The following RCSD1 variants were observed in gnomAD, a reference collection of about 807,000 sequenced individuals.
RCSD1 encodes the protein RCSD domain containing 1, also known as capZ-interacting protein.
In RCSD1, 26 loss-of-function variants were observed where a neutral mutation model predicts 42.5. That is an observed-to-expected ratio of 0.61 (90% confidence interval 0.45 to 0.85). RCSD1 has a LOEUF of 0.85. Among genes scored for constraint, RCSD1 ranks in the 40% least tolerant of loss-of-function variants. The pLI is 0.00. For synonymous variants in RCSD1, 220 were observed against 212.2 expected (o/e 1.04, Z -0.32); for missense variants, 571 against 528.3 (o/e 1.08, Z -0.79).
At chr1:167,673,200 G>C (rs73033839) in intron 1 of RCSD1, among the ~76,000 whole-genome samples, 8,972 of 152,312 alleles carry the variant, frequency 0.059, 448 homozygotes, top group African/African-American at 0.13. Flanking sequence ...GAACAAAGAA[G>C]AGAGGAGGAG....
At chr1:167,650,237 C>T (rs547359736) in intron 1 of RCSD1, among the ~76,000 whole-genome samples, 15 of 152,334 alleles carry the variant, frequency 9.8e-5, no homozygotes, top group South Asian at 6.2e-4. Context: ...TTGGAAAACA[C>T]GGGGAAATGT....
intron 1 of RCSD1, chr1:167,640,483 C>T (rs550787541): frequency 5.9e-5 from 9 of 152,336 alleles, no homozygotes; most frequent in African/African-American, 2.2e-4. Flanking sequence ...TGGTAACTAC[C>T]TCTGCTAAGA....
rs1659763830 is a variant in RCSD1 at position 167,706,687 on chromosome 1, T to C, written c.*1991T>C. Among the ~76,000 whole-genome samples, 1 of 152,100 alleles carries C rather than the reference T, an allele frequency of 6.6e-6. No homozygotes were observed. The highest frequency in any genetic ancestry group is 6.5e-5 in the Admixed American group (1 of 15,268). On this transcript the variant is annotated 3_prime_UTR_variant, in exon 7 of 7. Transcript: ENST00000367854. The stretch of plus-strand genomic sequence containing the variant: ...TGTTAGTCACATTATTTGGTGTATT[T>C]TGTGAAAAAAATAGAGGCCCCATTC...
At chr1:167,703,155 A>G (rs927051005) in intron 6 of RCSD1, among the ~76,000 whole-genome samples, 1 of 152,172 alleles carries the variant, frequency 6.6e-6, no homozygotes, top group African/African-American at 2.4e-5. Context: ...TGGCAGGTCA[A>G]CAGACTCAGT....
intron 1 of RCSD1, among the ~76,000 whole-genome samples, chr1:167,659,261 A>G (rs1306307928): frequency 6.6e-6 from 1 of 152,198 alleles, no homozygotes; most frequent in Admixed American, 6.5e-5. Context: ...TCCTGTCATT[A>G]TGCGAGAGTG....
At chr1:167,692,374 G>T (rs912198225) in intron 4 of RCSD1, among the ~76,000 whole-genome samples, 1 of 152,102 alleles carries the variant, frequency 6.6e-6, no homozygotes, top group Non-Finnish European at 1.5e-5. Context: ...GAATTTCTCT[G>T]CTTGAAATTT....
chr1:167,644,480 A>T (rs1001155898), intron 1 of RCSD1, among the ~76,000 whole-genome samples: 11 of 73,646 alleles, frequency 1.5e-4, no homozygotes, highest in African/African-American at 7.2e-4. Context: ...ACTCTGTCTC[A>T]AAAAATAAAT....
At chr1:167,696,019 G>A (rs1569637) in intron 5 of RCSD1, among the ~76,000 whole-genome samples, 1 of 152,134 alleles carries the variant, frequency 6.6e-6, no homozygotes, top group African/African-American at 2.4e-5. Context: ...TGGTGGACCT[G>A]AGTTCTAGAA....
intron 1 of RCSD1, among the ~76,000 whole-genome samples, chr1:167,646,073 T>G (rs1400915125): frequency 6.6e-6 from 1 of 152,012 alleles, no homozygotes; most frequent in South Asian, 2.1e-4. Flanking sequence ...GCAGATTTGG[T>G]ATTTGGTTGG....
rs1310298652 is a variant in RCSD1 at position 167,682,128 on chromosome 1, A to G, written c.7-1772A>G. Among the ~76,000 whole-genome samples, 3 of 151,934 alleles carry G rather than the reference A, an allele frequency of 2.0e-5. No homozygotes were observed. In the East Asian group the frequency reaches 5.8e-4, roughly 29 times the overall value. ...TCCAGAACAGCTGTTCGCAGATCGG[A>G]AAGTCCATGGCCCCAGCAGTTCCTT... On this transcript the variant is annotated intron_variant, in intron 1 of 6. Coordinates refer to ENST00000367854, the MANE Select transcript of RCSD1 (RefSeq NM_052862.4).
At chr1:167,683,423 C>T (rs7514408) in intron 1 of RCSD1, among the ~76,000 whole-genome samples, 55,234 of 152,088 alleles carry the variant, frequency 0.36, 12,868 homozygotes, top group African/African-American at 0.65. Flanking sequence ...GTGTCACTTA[C>T]TTATTAATTC....
At chr1:167,644,074 A>G (rs1479632041) in intron 1 of RCSD1, among the ~76,000 whole-genome samples, 2 of 152,138 alleles carry the variant, frequency 1.3e-5, no homozygotes, top group Non-Finnish European at 2.9e-5. Context: ...ATAAATCCAT[A>G]CTAGAACCTG....
At chr1:167,665,175 A>T (rs1658627384) in intron 1 of RCSD1, 1 of 152,106 alleles carries the variant, frequency 6.6e-6, no homozygotes, top group Non-Finnish European at 1.5e-5. Flanking sequence ...CTGTTATTAT[A>T]GTTTTGCCTT....
At chr1:167,678,998 G>T (rs562374805) in intron 1 of RCSD1, among the ~76,000 whole-genome samples, 1 of 152,202 alleles carries the variant, frequency 6.6e-6, no homozygotes, top group African/African-American at 2.4e-5. Flanking sequence ...TTAACAAAGC[G>T]TCTTATGGTT....
At chr1:167,658,738 T>C (rs1268120096) in intron 1 of RCSD1, among the ~76,000 whole-genome samples, 1 of 152,162 alleles carries the variant, frequency 6.6e-6, no homozygotes, top group Non-Finnish European at 1.5e-5. Flanking sequence ...GCCTAGTTCA[T>C]TCTTTTTAAT....
At chr1:167,647,040 G>C (rs1658173487) in intron 1 of RCSD1, among the ~76,000 whole-genome samples, 1 of 148,948 alleles carries the variant, frequency 6.7e-6, no homozygotes, top group Admixed American at 6.8e-5. Context: ...TGTGGCAGGA[G>C]AATCGCTTGA....
At chr1:167,689,567 C>T (rs76491006) in intron 3 of RCSD1, among the ~76,000 whole-genome samples, 294 of 152,010 alleles carry the variant, frequency 1.9e-3, no homozygotes, top group African/African-American at 7.0e-3. Flanking sequence ...ATCATGCCAT[C>T]GATGGGATTT....
At chr1:167,656,119 C>T (rs1196008927) in intron 1 of RCSD1, among the ~76,000 whole-genome samples, 1 of 152,092 alleles carries the variant, frequency 6.6e-6, no homozygotes, top group Non-Finnish European at 1.5e-5. Context: ...TTTTAAAACC[C>T]TCACAGACAT....
chr1:167,637,925 A>G (rs1657903251), intron 1 of RCSD1, among the ~76,000 whole-genome samples: 1 of 152,122 alleles, frequency 6.6e-6, no homozygotes, highest in Non-Finnish European at 1.5e-5. Flanking sequence ...AGCCAACCAC[A>G]TGCATCAGCC....
Sources: gnomAD v4.1 joint callset for allele counts (sites outside exome capture counted in the v4.1 genomes callset) on GRCh38, gnomAD v4.1.1 for gene constraint, MANE v1.5 for transcripts, NCBI Gene and HGNC (gene_info 2026-07-23, HGNC 2026-07-21) for gene names.